The following DNAH5 variants were observed in gnomAD, a reference collection of about 807,000 sequenced individuals.
DNAH5 encodes the protein axonemal beta dynein heavy chain 5.
In DNAH5, 372 loss-of-function variants were observed where a neutral mutation model predicts 518.2. The observed-to-expected ratio is 0.72, with a 90% CI of 0.66 to 0.78. DNAH5 has a LOEUF of 0.78. Among genes scored for constraint, DNAH5 ranks in the 30% least tolerant of loss-of-function variants. The pLI is 0.00. For synonymous variants in DNAH5, 2,039 were observed against 2,025.9 expected, an observed-to-expected ratio of 1.01 and a Z score of -0.17; for missense variants, 5,523 against 5,687.0, an observed-to-expected ratio of 0.97 and a Z score of 0.93.
intron 75 of DNAH5, among the ~76,000 whole-genome samples, chr5:13,713,105 G>GTATA (rs1385026817): frequency 2.8e-4 from 31 of 110,304 alleles, no homozygotes; most frequent in African/African-American, 8.8e-4. Context: ...TGGTGTGTGT[G>GTATA]TGTATATATA....
intron 44 of DNAH5, 88 bp downstream of exon 44, chr5:13,811,559 A>G: frequency 7.8e-7 from 1 of 1,290,136 alleles, no homozygotes; most frequent in African/African-American, 1.5e-5. Flanking sequence ...TAGCATGGCT[A>G]CATTAATAAG....
chr5:14,010,346 T>A (rs1013125886), intron 1 of DNAH5, among the ~76,000 whole-genome samples: 1 of 152,154 alleles, frequency 6.6e-6, no homozygotes, highest in African/African-American at 2.4e-5. Flanking sequence ...GCAAAGAGCA[T>A]AGCGCTGAAA....
intron 45 of DNAH5, 60 bp from the exon 46 acceptor site, chr5:13,809,246 G>A (rs1486358723): frequency 1.4e-5 from 23 of 1,590,564 alleles, no homozygotes; most frequent in African/African-American, 4.0e-5. Flanking sequence ...GAACTGTAAT[G>A]AGCAGACATC....
chr5:13,822,436 G>C (rs1167607708), intron 40 of DNAH5, among the ~76,000 whole-genome samples: 2 of 151,956 alleles, frequency 1.3e-5, no homozygotes, highest in African/African-American at 4.8e-5. Flanking sequence ...ATTTTTGGTA[G>C]AGACAGGGTT....
intron 31 of DNAH5, among the ~76,000 whole-genome samples, chr5:13,849,450 G>C (rs1446303678): frequency 6.6e-6 from 1 of 152,094 alleles, no homozygotes; most frequent in Admixed American, 6.5e-5. Context: ...CCTTTTAATA[G>C]GATACACAAT....
chr5:13,802,069 A>T (rs1472627), intron 47 of DNAH5, among the ~76,000 whole-genome samples: 4,898 of 150,810 alleles, frequency 0.032, 241 homozygotes, highest in African/African-American at 0.11. Flanking sequence ...CTGATTTTTA[A>T]AAAAAAAAAA....
At chr5:13,950,338 G>A (rs4702004) in intron 1 of DNAH5, among the ~76,000 whole-genome samples, 129,881 of 152,026 alleles carry the variant, frequency 0.85, 55,998 homozygotes, top group Non-Finnish European at 0.91. Context: ...GTGCAATGGC[G>A]TGATCTTGGC....
At chr5:13,868,231 T>C (rs1769568385) in intron 24 of DNAH5, among the ~76,000 whole-genome samples, 1 of 152,248 alleles carries the variant, frequency 6.6e-6, no homozygotes, top group Admixed American at 6.5e-5. Flanking sequence ...TTTGAGACTA[T>C]TGAAAAATGT....
At position 13,841,861 on chromosome 5, in the gene DNAH5, G is replaced by A. The variant is rs754845694; in HGVS notation, c.5315C>T (p.Thr1772Met). ...CATGACAGGTTTATCCAATTCAATC[G>A]TCTCACCCTCTTGAGAGGAAATTGA... ...ILSISSQEGE[T>M]IELDKPVMAE... Residue 1772 changes from threonine (T) to methionine (M), a missense_variant, in exon 33 of 79, where the codon ACG (threonine) becomes ATG (methionine). By Grantham distance (81) the Thr-to-Met change is moderately conservative. Around this residue, in one of 3 missense-constraint regions of DNAH5, gnomAD observed 5,121 missense variants for 5,223.3 expected, o/e 0.98. Coordinates refer to ENST00000265104, the MANE Select transcript of DNAH5 (RefSeq NM_001369.3). 7.6e-6 allele frequency: 12 copies of A among 1,581,412 alleles called. No individual in the cohort carries two copies. The highest frequency in any genetic ancestry group is 4.7e-5 in the East Asian group (2 of 42,804).
Position 13,864,561 on chromosome 5 carries a change from C to A in DNAH5, c.4432G>T (p.Glu1478Ter), listed in dbSNP as rs1022453162. The change falls in exon 28 of 79, where the codon GAG (glutamate) becomes TAG (stop). Residue 1478 changes from glutamate (E) to a stop codon, truncating the protein, a stop_gained. Coordinates refer to ENST00000265104, the MANE Select transcript of DNAH5 (RefSeq NM_001369.3). LOFTEE classifies it high-confidence loss of function. ...ATGTATTCCAGCAGCGGGCAACACTCGCTGAAATCATCAATGATCTTCTTC... is the reference window on the plus strand; with the variant it reads ...ATGTATTCCAGCAGCGGGCAACACTAGCTGAAATCATCAATGATCTTCTTC... ...DLKKIIDDFS[E>*]CCPLLEYMAS... 1 of 1,614,088 alleles carries A rather than the reference C, an allele frequency of 6.2e-7. No individual in the cohort carries two copies. Among genetic ancestry groups the A allele is most frequent in the South Asian group, 1.1e-5 (1 of 91,078 alleles).
In DNAH5 at chr5:13,901,617, A is replaced by G. The variant is rs747547606; in HGVS notation, c.1731-44T>C. 53 of 1,227,764 alleles carry G rather than the reference A, an allele frequency of 4.3e-5. No homozygotes were observed. In the East Asian group the frequency reaches 1.4e-3, roughly 31 times the overall value. The allele number at this position is 1,227,764 out of a possible 1,614,324, so 76.1% of individuals were successfully genotyped here. A position where few individuals can be genotyped will look rare whatever the true frequency, so the allele number is the denominator to read the frequency against. On this transcript the variant is annotated intron_variant, in intron 13 of 78. Transcript: ENST00000265104. ...TAAAAGCTTGAATTAATGGAATAAA[A>G]TAAATAAAATACACAATAAAAATAT...
chr5:13,701,530 T>C (rs1197652104), intron 76 of DNAH5, 94 bp from the exon 77 acceptor site: 2 of 1,223,456 alleles, frequency 1.6e-6, no homozygotes, highest in Non-Finnish European at 2.4e-6. Flanking sequence ...AGATGAAATA[T>C]CAATTTCACT....
chr5:13,703,631 A>G (rs1181674854), intron 76 of DNAH5, among the ~76,000 whole-genome samples: 1 of 152,064 alleles, frequency 6.6e-6, no homozygotes, highest in African/African-American at 2.4e-5. Flanking sequence ...CTCATGTTAA[A>G]TTTTGTCATC....
chr5:13,777,968 A>G (rs975412873), intron 53 of DNAH5, among the ~76,000 whole-genome samples: 26 of 152,190 alleles, frequency 1.7e-4, no homozygotes, highest in Non-Finnish European at 3.2e-4. Context: ...GTGGAAGTGA[A>G]CCTACAATCA....
At chr5:13,911,610 G>T in intron 11 of DNAH5, 117 bp from the exon 12 acceptor site, 1 of 842,928 alleles carries the variant, frequency 1.2e-6, no homozygotes, top group Non-Finnish European at 1.9e-6. Context: ...TAAGTTTAAA[G>T]GAAGCCTTAT....
intron 1 of DNAH5, among the ~76,000 whole-genome samples, chr5:13,987,140 C>T (rs1242770566): frequency 6.6e-6 from 1 of 152,074 alleles, no homozygotes; most frequent in African/African-American, 2.4e-5. Flanking sequence ...ATAACCTGCC[C>T]TCATATTGAT....
intron 41 of DNAH5, among the ~76,000 whole-genome samples, chr5:13,818,231 G>A (rs1761714051): frequency 6.6e-6 from 1 of 152,244 alleles, no homozygotes; most frequent in Admixed American, 6.5e-5. Flanking sequence ...CGACTCTTCA[G>A]TGGGCTGGGA....
At chr5:13,841,667 T>C in intron 33 of DNAH5, 25 bp downstream of exon 33, 1 of 1,562,852 alleles carries the variant, frequency 6.4e-7, no homozygotes, top group South Asian at 1.1e-5. Flanking sequence ...TTACAAAACA[T>C]ACTTTCAAAT....
Position 13,901,265 on chromosome 5 carries a change from G to A in DNAH5, c.2039C>T (p.Ala680Val), listed in dbSNP as rs374086061. The change falls in exon 14 of 79, where the codon GCG becomes GTG. Residue 680 changes from alanine to valine, a missense_variant. By Grantham distance (64) the Ala-to-Val change is moderately conservative. Around this residue, in one of 3 missense-constraint regions of DNAH5, gnomAD observed 5,121 missense variants for 5,223.3 expected, o/e 0.98. Transcript: ENST00000265104. ...LLEFEVLFHRAWLRQIEEIHV... is the reference protein window; with the variant it reads ...LLEFEVLFHRVWLRQIEEIHV... ...TTAGGGACTCACTTGCCGAAGCCAC[G>A]CCCTGTGGAAGAGGACCTCAAACTC... The A allele has an allele frequency of 3.3e-5, 54 of 1,613,722 alleles. No homozygotes were observed. Among genetic ancestry groups the A allele is most frequent in the African/African-American group, 2.5e-4 (19 of 74,910 alleles).
Sources: allele counts gnomAD v4.1 joint callset (sites outside exome capture counted in the v4.1 genomes callset), GRCh38; gene constraint gnomAD v4.1.1; regional missense constraint gnomAD v4.1.1; transcripts MANE v1.5; gene names NCBI Gene and HGNC (gene_info 2026-07-23, HGNC 2026-07-21).